Variants in OPN5 observed in about 807,000 individuals in gnomAD.
The protein encoded by OPN5 is opsin-5.
Under a neutral mutation model 41.7 loss-of-function variants are expected in OPN5, and 18 were observed. The observed-to-expected ratio is 0.43, with a 90% CI of 0.30 to 0.64. The LOEUF (loss-of-function observed/expected upper bound fraction) is 0.64, where lower values mean the gene tolerates loss of function less well. Among genes scored for constraint, OPN5 ranks in the 30% least tolerant of loss-of-function variants. The pLI is 0.13. For synonymous variants in OPN5, 178 were observed against 164.3 expected (o/e 1.08, Z -0.64); for missense variants, 318 against 434.5 (o/e 0.73, Z 2.38).
intron 4 of OPN5, among the ~76,000 whole-genome samples, chr6:47,801,019 A>G (rs1330607610): frequency 6.6e-6 from 1 of 152,190 alleles, no homozygotes; most frequent in Admixed American, 6.5e-5. Flanking sequence ...CCTTATTTAT[A>G]CCAGAAAGCC....
intron 6 of OPN5, among the ~76,000 whole-genome samples, chr6:47,812,221 T>C (rs1762264817): frequency 1.3e-5 from 2 of 152,170 alleles, no homozygotes; most frequent in Non-Finnish European, 2.9e-5. Context: ...TGTACTCTGA[T>C]GGCAGTGATT....
At chr6:47,809,218 G>A (rs1774095146) in intron 5 of OPN5, among the ~76,000 whole-genome samples, 1 of 152,126 alleles carries the variant, frequency 6.6e-6, no homozygotes, top group Non-Finnish European at 1.5e-5. Flanking sequence ...ATGGTCTGAG[G>A]TGAGGGGTGT....
rs527320405 is a variant in OPN5, at chr6:47,806,622, A to G, written c.757-1532A>G. 2.0e-5 allele frequency among the ~76,000 whole-genome samples: 3 copies of G among 152,312 alleles called. No homozygotes were observed. The South Asian group carries it at 6.2e-4, about 32-fold the overall frequency. ...AATCCTCCTAAGCAGCGCTCTCATCATATTTCCTGCTCAAAAACCTACTAG... is the reference window on the plus strand; with the variant it reads ...AATCCTCCTAAGCAGCGCTCTCATCGTATTTCCTGCTCAAAAACCTACTAG... On this transcript the variant is annotated intron_variant, in intron 4 of 6. Transcript: ENST00000371211.
chr6:47,791,011 T>C (rs1773353871), intron 2 of OPN5, among the ~76,000 whole-genome samples: 2 of 152,186 alleles, frequency 1.3e-5, no homozygotes, highest in Non-Finnish European at 2.9e-5. Context: ...AAGGCCCCAC[T>C]TGGAGGAGGA....
chr6:47,808,554 C>G (rs1222285755), intron 5 of OPN5, among the ~76,000 whole-genome samples, 159 bp downstream of exon 5: 1 of 152,038 alleles, frequency 6.6e-6, no homozygotes, highest in Non-Finnish European at 1.5e-5. Context: ...TTCCTGAAAT[C>G]AAGTAATCAG....
intron 4 of OPN5, among the ~76,000 whole-genome samples, chr6:47,795,876 G>A (rs1338670080): frequency 6.6e-6 from 1 of 151,562 alleles, no homozygotes; most frequent in Non-Finnish European, 1.5e-5. Context: ...TGCTGAATAG[G>A]GTACTATTGA....
chr6:47,800,181 G>T (rs979242489), intron 4 of OPN5, among the ~76,000 whole-genome samples: 2 of 152,202 alleles, frequency 1.3e-5, no homozygotes, highest in Admixed American at 1.3e-4. Context: ...AAAGACCATG[G>T]CATTACAATA....
At chr6:47,799,827 G>T (rs190066484) in intron 4 of OPN5, among the ~76,000 whole-genome samples, 1 of 152,228 alleles carries the variant, frequency 6.6e-6, no homozygotes, top group African/African-American at 2.4e-5. Context: ...TGTAGGTCCT[G>T]TACCTATTTG....
exon 4 of OPN5, chr6:47,795,279 G>A: frequency 6.2e-7 from 1 of 1,613,268 alleles, no homozygotes; most frequent in African/African-American, 1.3e-5. Context: ...AGCCATCTGG[G>A]CCTATGCTTC....
intron 5 of OPN5, among the ~76,000 whole-genome samples, chr6:47,811,375 A>G (rs930644868): frequency 3.3e-5 from 5 of 152,158 alleles, no homozygotes; most frequent in Non-Finnish European, 5.9e-5. Context: ...CACAAGGCCT[A>G]CATATATAGT....
At chr6:47,808,113 C>G (rs371275634) in intron 4 of OPN5, 41 bp from the exon 5 acceptor site, 3 of 1,609,070 alleles carry the variant, frequency 1.9e-6, no homozygotes, top group Non-Finnish European at 2.6e-6. Flanking sequence ...TGTCCTTTAT[C>G]AGTCATCTTG....
At position 47,788,807 on chromosome 6, in the gene OPN5, G is replaced by GC. The variant is rs1554139123; in HGVS notation, c.250+2173_250+2174insC. 3.4e-5 allele frequency among the ~76,000 whole-genome samples: 5 copies of GC among 147,782 alleles called. No homozygotes were observed. The South Asian group carries it at 1.1e-3, about 33-fold the overall frequency. On this transcript the variant is annotated intron_variant, in intron 2 of 6. Coordinates refer to ENST00000371211, the Ensembl canonical transcript of OPN5. ...AGTCGTGTTATATTAGGATAACCTGGGGGGGGGCGGTGGTGGTGTTAAAAA... is the reference window on the plus strand; with the variant it reads ...AGTCGTGTTATATTAGGATAACCTGGCGGGGGGGCGGTGGTGGTGTTAAAAA...
At chr6:47,816,054 C>T (rs1382549441) in intron 6 of OPN5, among the ~76,000 whole-genome samples, 1 of 152,118 alleles carries the variant, frequency 6.6e-6, no homozygotes, top group Non-Finnish European at 1.5e-5. Flanking sequence ...TTCAGGTATA[C>T]ACGTGCTTTG....
At chr6:47,819,102 A>T (rs1762517304) in intron 6 of OPN5, among the ~76,000 whole-genome samples, 1 of 151,838 alleles carries the variant, frequency 6.6e-6, no homozygotes, top group Non-Finnish European at 1.5e-5. Flanking sequence ...AGTTCGTACA[A>T]AAAGGAGGCA....
At chr6:47,789,933 C>A in intron 2 of OPN5, among the ~76,000 whole-genome samples, 1 of 146,272 alleles carries the variant, frequency 6.8e-6, no homozygotes, top group African/African-American at 2.5e-5. Context: ...GTGGTGAGGA[C>A]TGAATAGGGA....
At chr6:47,805,188 C>A (rs1393919081) in intron 4 of OPN5, among the ~76,000 whole-genome samples, 1 of 152,142 alleles carries the variant, frequency 6.6e-6, no homozygotes, top group Non-Finnish European at 1.5e-5. Context: ...ACAGACATAA[C>A]CAAATAAAAA....
intron 4 of OPN5, among the ~76,000 whole-genome samples, chr6:47,802,116 C>T (rs752304064): frequency 2.6e-5 from 4 of 152,162 alleles, no homozygotes; most frequent in African/African-American, 7.2e-5. Flanking sequence ...ATTTAAAAGA[C>T]GCTGAAAAGA....
intron 4 of OPN5, among the ~76,000 whole-genome samples, chr6:47,804,859 A>G (rs1454626532): frequency 6.6e-6 from 1 of 152,220 alleles, no homozygotes; most frequent in Admixed American, 6.5e-5. Context: ...ACATAATGCT[A>G]ATGTTTTAAG....
At chr6:47,813,776 A>G (rs1056241235) in intron 6 of OPN5, among the ~76,000 whole-genome samples, 1 of 152,144 alleles carries the variant, frequency 6.6e-6, no homozygotes, top group Non-Finnish European at 1.5e-5. Flanking sequence ...TAGGTTTAAA[A>G]TATTTTAAAA....
Sources: gnomAD v4.1 joint callset for allele counts (sites outside exome capture counted in the v4.1 genomes callset) on GRCh38, gnomAD v4.1.1 for gene constraint, MANE v1.5 for transcripts, NCBI Gene and HGNC (gene_info 2026-07-23, HGNC 2026-07-21) for gene names.